Variants in TTC17 observed in about 807,000 individuals in gnomAD.
TTC17 encodes tetratricopeptide repeat protein 17.
TTC17 carries 58 observed loss-of-function variants against 143.8 expected under a neutral mutation model. That is an observed-to-expected ratio of 0.40 (90% CI 0.33 to 0.50). The LOEUF (loss-of-function observed/expected upper bound fraction) is 0.50, where lower values mean the gene tolerates loss of function less well. TTC17 is among the 20% of genes least tolerant of loss of function. TTC17 has a pLI of 0.49. For synonymous variants in TTC17, 501 were observed against 497.8 expected, an observed-to-expected ratio of 1.01 and a Z score of -0.09; for missense variants, 1,273 against 1,392.5, an observed-to-expected ratio of 0.91 and a Z score of 1.37.
At chr11:43,449,823 T>A (rs932422365) in intron 19 of TTC17, 1 of 403,644 alleles carries the variant, frequency 2.5e-6, no homozygotes, top group Non-Finnish European at 4.5e-6. Flanking sequence ...GGTAACTTTT[T>A]CTGTGGGGAG....
intron 18 of TTC17, chr11:43,445,807 A>G: frequency 1.6e-6 from 1 of 630,558 alleles, no homozygotes; most frequent in Non-Finnish European, 2.9e-6. Flanking sequence ...TAACCAAGTT[A>G]TAAAGCAAAG....
intron 9 of TTC17, 92 bp downstream of exon 9, chr11:43,400,140 T>C: frequency 2.9e-6 from 4 of 1,379,290 alleles, no homozygotes; most frequent in Non-Finnish European, 3.9e-6. Flanking sequence ...CTTAAAGCAG[T>C]GTGAAGTTGT....
At chr11:43,469,649 T>A (rs1001980369) in intron 21 of TTC17, among the ~76,000 whole-genome samples, 3 of 152,106 alleles carry the variant, frequency 2.0e-5, no homozygotes, top group African/African-American at 7.2e-5. Context: ...TAGGGGGAAA[T>A]AACATATAGG....
At chr11:43,384,137 C>A (rs1857081391) in intron 2 of TTC17, among the ~76,000 whole-genome samples, 1 of 62,222 alleles carries the variant, frequency 1.6e-5, no homozygotes, top group African/African-American at 7.7e-5. Context: ...AGAGTGAGAC[C>A]CTGTCTCAAA....
chr11:43,406,178 C>T (rs1246155838), intron 13 of TTC17, among the ~76,000 whole-genome samples: 1 of 152,290 alleles, frequency 6.6e-6, no homozygotes, highest in South Asian at 2.1e-4. Flanking sequence ...AAACACTATT[C>T]CTCTAACGCA....
Position 43,389,724 on chromosome 11 carries a change from A to C in TTC17, c.322A>C (p.Asn108His), listed in dbSNP as rs567857161. ...DRDTGLEQRHNKEDPDCIKAK... is the reference protein window; with the variant it reads ...DRDTGLEQRHHKEDPDCIKAK... ...AGACACAGGACTGGAACAGAGACATAATAAAGAAGACCCAGACTGCATCAA... is the reference window on the plus strand; with the variant it reads ...AGACACAGGACTGGAACAGAGACATCATAAAGAAGACCCAGACTGCATCAA... Residue 108 changes from asparagine to histidine, a missense_variant, in exon 3 of 24, where the codon AAT (asparagine) becomes CAT (histidine). Physicochemically the swap from Asn to His is moderately conservative, Grantham distance 68. Around this residue, in one of 3 missense-constraint regions of TTC17, gnomAD observed 325 missense variants for 444.2 expected, o/e 0.73. Transcript: ENST00000039989. 3.3e-5 allele frequency: 54 copies of C among 1,613,964 alleles called. No individual in the cohort carries two copies. The highest frequency in any genetic ancestry group is 4.3e-5 in the Non-Finnish European group (51 of 1,179,958).
chr11:43,430,127 A>C (rs1947119807), intron 16 of TTC17, among the ~76,000 whole-genome samples: 1 of 152,222 alleles, frequency 6.6e-6, no homozygotes, highest in South Asian at 2.1e-4. Context: ...GACTGAAGCA[A>C]GATTAACAAA....
At position 43,391,911 on chromosome 11, in the gene TTC17, A is replaced by C. The variant is rs754872388; in HGVS notation, c.622A>C (p.Ile208Leu). 1.9e-6 allele frequency: 3 copies of C among 1,613,312 alleles called. No homozygotes were observed. Among genetic ancestry groups the C allele is most frequent in the Non-Finnish European group, 2.5e-6 (3 of 1,179,792 alleles). Residue 208 changes from isoleucine (I) to leucine (L), a missense_variant, in exon 5 of 24, where the codon ATA becomes CTA. Coordinates refer to ENST00000039989, the MANE Select transcript of TTC17 (RefSeq NM_018259.6). The stretch of plus-strand genomic sequence containing the variant: ...TTTATCTAAACGGTTAGGAAGGAGT[A>C]TAGATGACATAGGTCACCTCATTCA... The part of the protein sequence containing the change: ...TYLSKRLGRS[I>L]DDIGHLIHEG...
chr11:43,407,029 A>C (rs1011805082), intron 13 of TTC17, 109 bp from the exon 14 acceptor site: 22 of 705,352 alleles, frequency 3.1e-5, no homozygotes, highest in Non-Finnish European at 4.3e-5. Context: ...TATTTGTTCA[A>C]ATTAGCTGTT....
intron 19 of TTC17, among the ~76,000 whole-genome samples, 196 bp downstream of exon 19, chr11:43,448,318 C>T (rs904949798): frequency 6.6e-5 from 10 of 152,142 alleles, no homozygotes; most frequent in Non-Finnish European, 1.5e-4. Context: ...GCCCCCCTTC[C>T]CGGTGCCTTC....
In TTC17 at chr11:43,399,933, G is replaced by A; in HGVS notation, c.1104G>A (p.Gln368=). Reference sequence around the variant, plus strand: ...ATGAGTTAAAAGAGTATCAAAAGCAGCATGACCACTACCTGAGACAGCAGG... The same window carrying A: ...ATGAGTTAAAAGAGTATCAAAAGCAACATGACCACTACCTGAGACAGCAGG... ...TLNELKEYQK[Q]HDHYLRQQEI... Residue 368 remains glutamine (Q), a synonymous_variant, in exon 9 of 24, where the codon CAG becomes CAA. Coordinates refer to ENST00000039989, the MANE Select transcript of TTC17 (RefSeq NM_018259.6). 6.2e-7 allele frequency: 1 copy of A among 1,613,842 alleles called. No homozygotes were observed. The highest frequency in any genetic ancestry group is 1.1e-5 in the South Asian group (1 of 91,052).
chr11:43,471,310 C>T (rs562744756), intron 21 of TTC17, among the ~76,000 whole-genome samples: 2 of 152,344 alleles, frequency 1.3e-5, no homozygotes, highest in African/African-American at 4.8e-5. Flanking sequence ...GGCTCGTAGA[C>T]ATTACATTGG....
At chr11:43,389,615 A>G in intron 2 of TTC17, 37 bp from the exon 3 acceptor site, 1 of 1,552,604 alleles carries the variant, frequency 6.4e-7, no homozygotes, top group African/African-American at 1.4e-5. Context: ...CTAAAATATT[A>G]GAAGAATCCA....
At chr11:43,396,370 G>C (rs567632371) in intron 5 of TTC17, 2 of 165,656 alleles carry the variant, frequency 1.2e-5, no homozygotes, top group African/African-American at 4.7e-5. Context: ...AGTAGATGAG[G>C]TCTTCTGACT....
At chr11:43,418,200 A>G (rs1352135414) in intron 16 of TTC17, among the ~76,000 whole-genome samples, 4 of 152,240 alleles carry the variant, frequency 2.6e-5, no homozygotes, top group African/African-American at 9.6e-5. Context: ...TTATTAACCT[A>G]CAAATCAATG....
chr11:43,489,168 A>G (rs1021893387), intron 21 of TTC17, among the ~76,000 whole-genome samples: 7 of 152,218 alleles, frequency 4.6e-5, no homozygotes, highest in African/African-American at 1.4e-4. Flanking sequence ...GGCAAGGATG[A>G]TCTCCCTAAA....
chr11:43,378,622 T>TA lies in TTC17; in HGVS notation c.160-610dup, dbSNP rs527843046. Among the ~76,000 whole-genome samples the TA allele has an allele frequency of 6.1e-3, 929 of 152,344 alleles. 6 individuals carry two copies. The highest frequency in any genetic ancestry group is 0.01 in the South Asian group (49 of 4,830). Reference sequence around the variant, plus strand: ...AGGTTATGCAATTGTAACATTTTGATATATGTTGTCAAATGACACTCCAAA... The same window carrying TA: ...AGGTTATGCAATTGTAACATTTTGATAATATGTTGTCAAATGACACTCCAAA... On this transcript the variant is annotated intron_variant, in intron 1 of 23. Coordinates refer to ENST00000039989, the MANE Select transcript of TTC17 (RefSeq NM_018259.6).
chr11:43,493,648 A>T, intron 23 of TTC17, 125 bp from the exon 24 acceptor site: 1 of 1,428,420 alleles, frequency 7.0e-7, no homozygotes, highest in Admixed American at 1.9e-5. Flanking sequence ...AAAGACTTAG[A>T]TCCGTTGAGC....
chr11:43,429,526 G>T (rs965090960), intron 16 of TTC17, among the ~76,000 whole-genome samples: 1 of 152,178 alleles, frequency 6.6e-6, no homozygotes, highest in Non-Finnish European at 1.5e-5. Context: ...TTGTATAACA[G>T]TGGTGAGCAA....
Sources: allele counts gnomAD v4.1 joint callset (sites outside exome capture counted in the v4.1 genomes callset), GRCh38; gene constraint gnomAD v4.1.1; regional missense constraint gnomAD v4.1.1; transcripts MANE v1.5; gene names NCBI Gene and HGNC (gene_info 2026-07-23, HGNC 2026-07-21).